The following ESRRB variants were observed in gnomAD, a reference collection of about 807,000 sequenced individuals.
The protein encoded by ESRRB is estrogen related receptor beta.
ESRRB carries 16 observed loss-of-function variants against 46.0 expected under a neutral mutation model. That is an observed-to-expected ratio of 0.35 (90% CI 0.24 to 0.53). The LOEUF is 0.53. ESRRB is among the 20% of genes least tolerant of loss of function. ESRRB has a pLI of 0.93. For synonymous variants in ESRRB, 246 were observed against 259.6 expected (o/e 0.95, Z 0.50); for missense variants, 488 against 607.4 (o/e 0.80, Z 2.07).
At chr14:76,396,905 A>T (rs1885709691) in intron 1 of ESRRB, among the ~76,000 whole-genome samples, 1 of 152,212 alleles carries the variant, frequency 6.6e-6, no homozygotes, top group African/African-American at 2.4e-5. Context: ...AGGCCGAGGG[A>T]GTCGCTGGAG....
chr14:76,473,645 C>A (rs1021553101), intron 3 of ESRRB, among the ~76,000 whole-genome samples: 1 of 152,144 alleles, frequency 6.6e-6, no homozygotes, highest in African/African-American at 2.4e-5. Context: ...TTTTTACTTC[C>A]GAAAGACTGG....
intron 1 of ESRRB, among the ~76,000 whole-genome samples, chr14:76,423,471 C>T (rs993062646): frequency 1.3e-5 from 2 of 152,170 alleles, no homozygotes; most frequent in Non-Finnish European, 2.9e-5. Flanking sequence ...CCAGGATGAT[C>T]AGAATTCGAT....
intron 1 of ESRRB, among the ~76,000 whole-genome samples, chr14:76,317,410 G>A (rs1163531874): frequency 5.3e-5 from 8 of 150,838 alleles, no homozygotes; most frequent in Non-Finnish European, 1.0e-4. Context: ...GAAATGGATT[G>A]TTTGCTCCTA....
At chr14:76,390,974 G>T (rs1375218756) in intron 1 of ESRRB, among the ~76,000 whole-genome samples, 4 of 152,238 alleles carry the variant, frequency 2.6e-5, no homozygotes, top group Non-Finnish European at 5.9e-5. Context: ...TGTGGCTGCA[G>T]CGGGGCCCCA....
intron 1 of ESRRB, among the ~76,000 whole-genome samples, chr14:76,395,949 TG>T (rs1317599894): frequency 1.3e-5 from 2 of 151,818 alleles, no homozygotes; most frequent in African/African-American, 4.8e-5. Flanking sequence ...CTGAGGCAAG[TG>T]GACCACAAGG....
Position 76,482,032 on chromosome 14 carries a change from A to C in ESRRB, c.594A>C (p.Arg198=), listed in dbSNP as rs1318905470. The C allele has an allele frequency of 1.9e-6, 3 of 1,613,982 alleles. No individual in the cohort carries two copies. The highest frequency in any genetic ancestry group is 2.5e-6 in the Non-Finnish European group (3 of 1,179,930). ...CCCCAATAGGTGTGCGCCTTGATCG[A>C]GTGCGTGGAGGCCGTCAGAAATACA... ...GMLKEGVRLD[R]VRGGRQKYKR... Residue 198 remains arginine (R), a synonymous_variant, in exon 4 of 7, where the codon CGA becomes CGC. Transcript: ENST00000644823. This position sits in a 1 kb window ranked among gnomAD's most constrained non-coding sequence, Gnocchi z 4.3.
At chr14:76,362,814 C>T (rs565002949) in intron 1 of ESRRB, among the ~76,000 whole-genome samples, 6 of 152,232 alleles carry the variant, frequency 3.9e-5, no homozygotes, top group Admixed American at 1.3e-4. Context: ...CCCTTCTTCC[C>T]GCTTGCCTAG....
chr14:76,377,614 A>G (rs74069832), intron 1 of ESRRB, among the ~76,000 whole-genome samples: 20,286 of 151,968 alleles, frequency 0.13, 1,549 homozygotes, highest in East Asian at 0.24. Context: ...AAATTCTCCA[A>G]GTCAGCGTTT....
chr14:76,353,582 A>G (rs1884339767), intron 1 of ESRRB, among the ~76,000 whole-genome samples: 1 of 152,184 alleles, frequency 6.6e-6, no homozygotes, highest in African/African-American at 2.4e-5. Context: ...TTATCTGGAC[A>G]AGAGAAGAAA....
intron 3 of ESRRB, among the ~76,000 whole-genome samples, chr14:76,479,410 G>A (rs913794663): frequency 6.6e-6 from 1 of 152,162 alleles, no homozygotes; most frequent in African/African-American, 2.4e-5. Context: ...TTTGTTATTG[G>A]CTTTCTTCCC....
chr14:76,427,521 A>G (rs894296941), intron 1 of ESRRB, among the ~76,000 whole-genome samples: 2 of 152,170 alleles, frequency 1.3e-5, no homozygotes, highest in African/African-American at 4.8e-5. Context: ...AGTGAAAGTA[A>G]CAGGCATGCA....
chr14:76,469,944 CTTTT>C (rs1178018542), intron 3 of ESRRB, among the ~76,000 whole-genome samples: 2 of 73,072 alleles, frequency 2.7e-5, no homozygotes, highest in African/African-American at 9.9e-5. Flanking sequence ...TTTTTTTTTT[CTTTT>C]TTTTTTTTTT....
chr14:76,418,105 G>A (rs1015705120), intron 1 of ESRRB, among the ~76,000 whole-genome samples: 2 of 151,844 alleles, frequency 1.3e-5, no homozygotes, highest in South Asian at 2.1e-4. Context: ...ACAGACGCCC[G>A]CCACCATGCG....
At chr14:76,311,635 GA>G (rs1883735575) in intron 1 of ESRRB, among the ~76,000 whole-genome samples, 1 of 152,250 alleles carries the variant, frequency 6.6e-6, no homozygotes, top group Non-Finnish European at 1.5e-5. Context: ...TGGGGACTGG[GA>G]GGAAGAGTCC....
At chr14:76,350,935 C>T (rs951605395) in intron 1 of ESRRB, among the ~76,000 whole-genome samples, 2 of 152,196 alleles carry the variant, frequency 1.3e-5, no homozygotes, top group Non-Finnish European at 2.9e-5. Context: ...CCTGGGCACA[C>T]CTGCCTGCTG....
chr14:76,453,861 C>T (rs1367693192), intron 2 of ESRRB, among the ~76,000 whole-genome samples: 2 of 152,130 alleles, frequency 1.3e-5, no homozygotes, highest in Non-Finnish European at 2.9e-5. Flanking sequence ...ATCCACTGGC[C>T]GTGGCCTCCC....
chr14:76,500,252 G>A lies in ESRRB; in HGVS notation c.*1794G>A. ...GGTGTCCCACACAGAAAATGTTAAG[G>A]ATTTCAAGAGCCCTCCCAGACCAGT... On this transcript the variant is annotated 3_prime_UTR_variant, in exon 7 of 7. Coordinates refer to ENST00000644823, the MANE Select transcript of ESRRB (RefSeq NM_001379180.1). 4.9e-6 allele frequency: 3 copies of A among 611,904 alleles called. No individual in the cohort carries two copies. The South Asian group carries it at 6.1e-5, about 12-fold the overall frequency. 37.9% of individuals were successfully genotyped at this position (611,904 alleles called of 1,614,324 possible).
chr14:76,372,462 C>T (rs774571660), upstream of ESRRB, among the ~76,000 whole-genome samples: 84 of 152,014 alleles, frequency 5.5e-4, no homozygotes, highest in Non-Finnish European at 1.0e-3. Context: ...GTGTGTGGAG[C>T]GTGTTGTATT....
chr14:76,317,308 CTCTGTGTGTGTGTGTG>C (rs1883812892), intron 1 of ESRRB, among the ~76,000 whole-genome samples: 1 of 125,148 alleles, frequency 8.0e-6, no homozygotes, highest in African/African-American at 3.2e-5. Context: ...GCTGATTAGG[CTCTGTGTGTGTGTGTG>C]TGTGTGTGTG....
Sources: gnomAD v4.1 joint callset for allele counts (sites outside exome capture counted in the v4.1 genomes callset) on GRCh38, gnomAD v4.1.1 for gene constraint, Gnocchi (gnomAD v3.1) non-coding constraint, MANE v1.5 for transcripts, NCBI Gene and HGNC (gene_info 2026-07-23, HGNC 2026-07-21) for gene names.